Variants in LMNTD1 observed in about 807,000 individuals in gnomAD.
LMNTD1 encodes the protein lamin tail domain-containing protein 1.
Under a neutral mutation model 50.9 loss-of-function variants are expected in LMNTD1, and 35 were observed. That is an observed-to-expected ratio of 0.69 (90% CI 0.53 to 0.91). LMNTD1 has a LOEUF of 0.91. Among genes scored for constraint, LMNTD1 ranks in the 40% least tolerant of loss-of-function variants. LMNTD1 has a pLI of 0.00. For synonymous variants in LMNTD1, 153 were observed against 161.9 expected (o/e 0.94, Z 0.42); for missense variants, 470 against 475.5 (o/e 0.99, Z 0.11).
At chr12:25,538,753 G>GC (rs1942818695) in intron 4 of LMNTD1, among the ~76,000 whole-genome samples, 1 of 100,150 alleles carries the variant, frequency 1.0e-5, no homozygotes, top group Non-Finnish European at 2.3e-5. Context: ...TGGACTAAAT[G>GC]CCCCAATTAA....
At chr12:25,560,126 G>A (rs951487237) in intron 1 of LMNTD1, among the ~76,000 whole-genome samples, 3 of 152,238 alleles carry the variant, frequency 2.0e-5, no homozygotes, top group African/African-American at 4.8e-5. Flanking sequence ...CGATGCCTAT[G>A]TCCTGAATGG....
intron 1 of LMNTD1, among the ~76,000 whole-genome samples, chr12:25,611,874 T>C (rs1946252749): frequency 6.6e-6 from 1 of 152,240 alleles, no homozygotes; most frequent in African/African-American, 2.4e-5. Context: ...TTTATACACT[T>C]GGATTTCCTT....
Position 25,583,313 on chromosome 12 carries a change from C to T in LMNTD1, c.59-36759G>A, listed in dbSNP as rs530182537. 2.8e-5 allele frequency among the ~76,000 whole-genome samples: 4 copies of T among 145,106 alleles called. No individual in the cohort carries two copies. The East Asian group carries it at 8.2e-4, about 30-fold the overall frequency. On this transcript the variant is annotated intron_variant, in intron 1 of 7. Coordinates refer to the LMNTD1 transcript ENST00000445693. Reference sequence around the variant, plus strand: ...AAGTGTTGGGATTACAGGCGTGAGCCACCGTGCCCGGCCGGTAATGTTTTT... The same window carrying T: ...AAGTGTTGGGATTACAGGCGTGAGCTACCGTGCCCGGCCGGTAATGTTTTT...
intron 4 of LMNTD1, among the ~76,000 whole-genome samples, chr12:25,527,719 C>T (rs542904172): frequency 0.18 from 21,862 of 123,652 alleles, 2,509 homozygotes; most frequent in East Asian, 0.24. Flanking sequence ...CACACACACA[C>T]ATATACACAC....
At chr12:25,584,430 T>G (rs1945438625) in intron 1 of LMNTD1, among the ~76,000 whole-genome samples, 1 of 152,158 alleles carries the variant, frequency 6.6e-6, no homozygotes, top group Non-Finnish European at 1.5e-5. Context: ...CCTTTAGTTT[T>G]TGGTCAGCAA....
intron 1 of LMNTD1, among the ~76,000 whole-genome samples, chr12:25,593,375 A>G (rs1465181163): frequency 6.6e-6 from 1 of 152,206 alleles, no homozygotes; most frequent in African/African-American, 2.4e-5. Flanking sequence ...CAGATGGTTT[A>G]CATCACAGGA....
chr12:25,497,690 C>CGGGA (rs1209430547), intron 9 of LMNTD1: 1 of 151,786 alleles, frequency 6.6e-6, no homozygotes, highest in East Asian at 1.9e-4. Flanking sequence ...CCCAGCTACT[C>CGGGA]GGGAGGCTGA....
At chr12:25,527,675 TATATATACACACACAC>T (rs1225492057) in intron 4 of LMNTD1, among the ~76,000 whole-genome samples, 63 of 21,972 alleles carry the variant, frequency 2.9e-3, no homozygotes, top group East Asian at 0.014. Flanking sequence ...TATATATATA[TATATATACACACACAC>T]ACACACACAC....
At chr12:25,537,043 G>A (rs1942649569) in intron 4 of LMNTD1, among the ~76,000 whole-genome samples, 1 of 152,078 alleles carries the variant, frequency 6.6e-6, no homozygotes, top group South Asian at 2.1e-4. Context: ...GGCGAACCAC[G>A]AGATTATATC....
rs775712995 is a variant in LMNTD1, at chr12:25,633,357, A to G, written c.58+15137T>C. On this transcript the variant is annotated intron_variant, in intron 1 of 7. Transcript: ENST00000445693. ...AGATATATATAGAACATTTCATCCA[A>G]CAACCGCAGAACACACATTCTATTC... 1.1e-4 allele frequency among the ~76,000 whole-genome samples: 17 copies of G among 152,302 alleles called. 1 individual carries two copies. Among genetic ancestry groups the G allele is most frequent in the Middle Eastern group, 6.8e-3 (2 of 294 alleles).
At chr12:25,578,883 T>C (rs924790962) in intron 1 of LMNTD1, among the ~76,000 whole-genome samples, 7 of 152,242 alleles carry the variant, frequency 4.6e-5, no homozygotes, top group Non-Finnish European at 8.8e-5. Context: ...TACATGTTGA[T>C]ATTTATAAAA....
chr12:25,577,485 CTGTT>C (rs1217620005), intron 1 of LMNTD1, among the ~76,000 whole-genome samples: 10 of 146,922 alleles, frequency 6.8e-5, no homozygotes, highest in East Asian at 2.1e-4. Context: ...ATTTGGCTCT[CTGTT>C]TGTCTGTTAT....
intron 4 of LMNTD1, among the ~76,000 whole-genome samples, chr12:25,528,686 T>C (rs172147): frequency 0.8 from 121,128 of 152,050 alleles, 48,639 homozygotes; most frequent in East Asian, 0.9. Flanking sequence ...CAGCTGAGCC[T>C]ACCTCTTCTC....
chr12:25,508,051 T>A (rs945164200), intron 8 of LMNTD1, among the ~76,000 whole-genome samples: 2 of 152,116 alleles, frequency 1.3e-5, no homozygotes, highest in African/African-American at 4.8e-5. Flanking sequence ...TCCTTGTCAG[T>A]ATATAAGCTG....
chr12:25,507,138 A>T (rs1939854508), intron 8 of LMNTD1, among the ~76,000 whole-genome samples: 1 of 152,138 alleles, frequency 6.6e-6, no homozygotes, highest in Admixed American at 6.6e-5. Context: ...GGCCTCCCAA[A>T]GTGCTGGGAT....
intron 1 of LMNTD1, among the ~76,000 whole-genome samples, chr12:25,600,059 TATA>T (rs1401610815): frequency 1.3e-5 from 2 of 152,056 alleles, no homozygotes; most frequent in Non-Finnish European, 2.9e-5. Context: ...ACTACAGAGC[TATA>T]GTAACCAAAA....
intron 9 of LMNTD1, among the ~76,000 whole-genome samples, chr12:25,489,171 C>CGGCTG (rs1285565363): frequency 6.6e-6 from 1 of 151,956 alleles, no homozygotes; most frequent in Non-Finnish European, 1.5e-5. Context: ...TCGAGCTTCC[C>CGGCTG]GGCTGCTTTG....
chr12:25,533,234 T>C (rs1942344822), intron 4 of LMNTD1, among the ~76,000 whole-genome samples: 1 of 152,138 alleles, frequency 6.6e-6, no homozygotes, highest in South Asian at 2.1e-4. Context: ...TTAGTAGTTA[T>C]CTTTTTCTCT....
intron 1 of LMNTD1, among the ~76,000 whole-genome samples, chr12:25,589,130 T>C (rs1490983527): frequency 1.3e-5 from 2 of 152,170 alleles, no homozygotes; most frequent in Non-Finnish European, 2.9e-5. Context: ...TACAATGACG[T>C]TCATAGCAAC....
Sources: allele counts gnomAD v4.1 joint callset (sites outside exome capture counted in the v4.1 genomes callset), GRCh38; gene constraint gnomAD v4.1.1; transcripts MANE v1.5; gene names NCBI Gene and HGNC (gene_info 2026-07-23, HGNC 2026-07-21).